The following NBEAL1 variants were observed in gnomAD, a reference collection of about 807,000 sequenced individuals.
NBEAL1 encodes the protein neurobeachin like 1.
A neutral mutation model predicts 351.3 loss-of-function variants in NBEAL1; 273 were observed. That is an observed-to-expected ratio of 0.78 (90% CI 0.70 to 0.86). The LOEUF (loss-of-function observed/expected upper bound fraction) is 0.86, where lower values mean the gene tolerates loss of function less well. Among genes scored for constraint, NBEAL1 ranks in the 40% least tolerant of loss-of-function variants. The pLI, the probability that NBEAL1 is intolerant of heterozygous loss-of-function variation, is 0.00. For missense variants in NBEAL1, 2,961 were observed against 3,201.3 expected (o/e 0.92, Z 1.81); for synonymous variants, 1,050 against 1,086.4 (o/e 0.97, Z 0.66).
At chr2:203,111,099 A>C (rs1048419934) in intron 15 of NBEAL1, among the ~76,000 whole-genome samples, 1 of 152,146 alleles carries the variant, frequency 6.6e-6, no homozygotes, top group African/African-American at 2.4e-5. Flanking sequence ...CAGCACTTTG[A>C]GACACCAAGA....
chr2:203,209,365 T>C (rs762054998), intron 53 of NBEAL1, 43 bp downstream of exon 53: 1 of 1,404,510 alleles, frequency 7.1e-7, no homozygotes, highest in Non-Finnish European at 9.9e-7. Flanking sequence ...CCCAATAGCA[T>C]ATCTTTCCCT....
chr2:203,167,173 T>C (rs540547838), intron 37 of NBEAL1, 54 bp from the exon 38 acceptor site: 1 of 1,528,148 alleles, frequency 6.5e-7, no homozygotes, highest in Admixed American at 2.2e-5. Context: ...ATTTTCTACT[T>C]AGCATGAGTA....
Position 203,213,557 on chromosome 2 carries a change from T to C in NBEAL1, c.7974T>C (p.Pro2658=), listed in dbSNP as rs1027436845. The C allele has an allele frequency of 1.2e-6, 2 of 1,614,046 alleles. No homozygotes were observed. Among genetic ancestry groups the C allele is most frequent in the Non-Finnish European group, 8.5e-7 (1 of 1,179,940 alleles). Residue 2658 remains proline, a synonymous_variant, in exon 55 of 56, where the codon CCT becomes CCC. Coordinates refer to ENST00000683969, the MANE Select transcript of NBEAL1 (RefSeq NM_001378026.1). ...TCAACCCATTAGCCATGCGACTGCC[T>C]ATCCATTGTGTTTGTGTCACCAAAG... ...LSINPLAMRL[P]IHCVCVTKEY...
At chr2:203,184,474 C>T (rs1490016708) in intron 44 of NBEAL1, among the ~76,000 whole-genome samples, 1 of 151,928 alleles carries the variant, frequency 6.6e-6, no homozygotes, top group Non-Finnish European at 1.5e-5. Flanking sequence ...AGTTAAATTT[C>T]CTAATTTGGA....
rs553027405 is a variant in NBEAL1, at chr2:203,192,299, G to T, written c.6922-1496G>T. Among the ~76,000 whole-genome samples, 12 of 152,132 alleles carry T rather than the reference G, an allele frequency of 7.9e-5. No individual in the cohort carries two copies. In the South Asian group the frequency reaches 2.5e-3, roughly 32 times the overall value. On this transcript the variant is annotated intron_variant, in intron 46 of 55. Coordinates refer to ENST00000683969, the MANE Select transcript of NBEAL1 (RefSeq NM_001378026.1). The stretch of plus-strand genomic sequence containing the variant: ...TACCTTTCTTTTTGTTTTACAAGTG[G>T]TGCTAATTAGTTTTTATTGTGATGA...
chr2:203,113,393 A>T (rs984423867), intron 17 of NBEAL1, 75 bp downstream of exon 17: 17 of 755,930 alleles, frequency 2.2e-5, no homozygotes, highest in Non-Finnish European at 3.0e-5. Context: ...TGAAGAATAT[A>T]TTTAGAATAT....
At chr2:203,021,679 A>T (rs141700639) in intron 2 of NBEAL1, among the ~76,000 whole-genome samples, 2 of 152,258 alleles carry the variant, frequency 1.3e-5, no homozygotes, top group Admixed American at 6.5e-5. Context: ...ACATACAGTA[A>T]GAGAGATGGT....
At chr2:203,205,066 A>G (rs181121658) in intron 51 of NBEAL1, among the ~76,000 whole-genome samples, 3 of 152,286 alleles carry the variant, frequency 2.0e-5, no homozygotes, top group East Asian at 1.9e-4. Context: ...CCCGCCTTAT[A>G]TCTAATTTTG....
intron 50 of NBEAL1, among the ~76,000 whole-genome samples, 167 bp from the exon 51 acceptor site, chr2:203,202,520 T>C (rs1284918001): frequency 6.6e-6 from 1 of 152,232 alleles, no homozygotes; most frequent in African/African-American, 2.4e-5. Context: ...TTGACACTGC[T>C]GCTTTCCTGT....
Position 203,133,143 on chromosome 2 carries a change from A to G in NBEAL1, c.3810A>G (p.Arg1270=), listed in dbSNP as rs1347876742. 3 of 1,411,646 alleles carry G rather than the reference A, an allele frequency of 2.1e-6. No homozygotes were observed. The Admixed American group carries it at 6.3e-5, about 30-fold the overall frequency. 87.4% of individuals were successfully genotyped at this position (1,411,646 alleles called of 1,614,324 possible). ...AHINVRVAIC[R]KVLQILQFQP... is the part of the protein sequence containing the mutation. ...TAAATGTTAGAGTGGCCATCTGCAG[A>G]AAGGTCAGTAAACTCTTAAGATATA... Residue 1270 remains arginine (R), a synonymous_variant, in exon 27 of 56, where the codon AGA becomes AGG. Transcript: ENST00000683969.
chr2:203,180,149 A>G (rs1341282397), intron 42 of NBEAL1, among the ~76,000 whole-genome samples: 1 of 152,208 alleles, frequency 6.6e-6, no homozygotes, highest in Non-Finnish European at 1.5e-5. Context: ...AACTAATTCA[A>G]CTAAGGTGCT....
At chr2:203,053,937 A>G (rs566486263) in intron 4 of NBEAL1, among the ~76,000 whole-genome samples, 21 of 151,992 alleles carry the variant, frequency 1.4e-4, no homozygotes, top group African/African-American at 4.8e-4. Flanking sequence ...TTTTTCTTTC[A>G]TGGATTATGC....
Position 203,107,429 on chromosome 2 carries a change from A to G in NBEAL1, c.1279A>G (p.Lys427Glu), listed in dbSNP as rs1035442956. The change falls in exon 13 of 56, where the codon AAA becomes GAA. Residue 427 changes from lysine to glutamate, a missense_variant. Physicochemically the swap from Lys to Glu is moderately conservative, Grantham distance 56 (BLOSUM62 1). Transcript: ENST00000683969. ...NKSPAAKEVFKERIGYTHMLE... is the reference protein window; with the variant it reads ...NKSPAAKEVFEERIGYTHMLE... ...TCTTCCCATCCCCTAGGAAGTATTT[A>G]AAGAAAGAATTGGTTATACACATAT... 7 of 1,534,378 alleles carry G rather than the reference A, an allele frequency of 4.6e-6. No individual in the cohort carries two copies. The African/African-American group carries it at 9.6e-5, about 21-fold the overall frequency.
intron 47 of NBEAL1, among the ~76,000 whole-genome samples, chr2:203,196,346 C>A (rs1009179450): frequency 2.0e-5 from 3 of 152,134 alleles, no homozygotes; most frequent in Non-Finnish European, 4.4e-5. Context: ...CCTTGGGTAC[C>A]AATAACTTGT....
At chr2:203,198,159 C>T (rs1054333372) in intron 48 of NBEAL1, among the ~76,000 whole-genome samples, 10 of 151,382 alleles carry the variant, frequency 6.6e-5, no homozygotes, top group African/African-American at 2.4e-4. Context: ...ACTACAGATA[C>T]ACACCACCAT....
rs771476977 is a variant in NBEAL1, at chr2:203,083,424, A to G, written c.890A>G (p.Asn297Ser). Residue 297 changes from asparagine to serine, a missense_variant, in exon 9 of 56, where the codon AAC (asparagine) becomes AGC (serine). Coordinates refer to ENST00000683969, the MANE Select transcript of NBEAL1 (RefSeq NM_001378026.1). Reference sequence around the variant, plus strand: ...GTGGAAACCAGTACTATTCTGGAGAACTATTTTAAATTGCTAAATTCAGAT... The same window carrying G: ...GTGGAAACCAGTACTATTCTGGAGAGCTATTTTAAATTGCTAAATTCAGAT... ...RQVETSTILENYFKLLNSDHS... is the reference protein window; with the variant it reads ...RQVETSTILESYFKLLNSDHS... The G allele has an allele frequency of 3.1e-5, 48 of 1,554,148 alleles. No homozygotes were observed. In the East Asian group the frequency reaches 1.1e-3, roughly 36 times the overall value.
chr2:203,075,537 C>T (rs1015043858), intron 7 of NBEAL1, among the ~76,000 whole-genome samples: 4 of 152,210 alleles, frequency 2.6e-5, no homozygotes, highest in Non-Finnish European at 4.4e-5. Flanking sequence ...TGTGGGCTAT[C>T]ACACTATTGT....
At chr2:203,095,099 G>A (rs1004289532) in intron 10 of NBEAL1, among the ~76,000 whole-genome samples, 1 of 151,882 alleles carries the variant, frequency 6.6e-6, no homozygotes, top group African/African-American at 2.4e-5. Flanking sequence ...ACTCCAGCCT[G>A]GGCTACGAGA....
At chr2:203,015,607 C>T (rs2105979922) in intron 1 of NBEAL1, among the ~76,000 whole-genome samples, 1 of 152,072 alleles carries the variant, frequency 6.6e-6, no homozygotes, top group South Asian at 2.1e-4. Flanking sequence ...ATTACAGGTG[C>T]CCGCCACCAC....
Sources: gnomAD v4.1 joint callset for allele counts (sites outside exome capture counted in the v4.1 genomes callset) on GRCh38, gnomAD v4.1.1 for gene constraint, MANE v1.5 for transcripts, NCBI Gene and HGNC (gene_info 2026-07-23, HGNC 2026-07-21) for gene names.